Variants in DOP1A observed in about 807,000 individuals in gnomAD.
DOP1A encodes protein DOP1A.
Under a neutral mutation model 267.6 loss-of-function variants are expected in DOP1A, and 90 were observed. That is an observed-to-expected ratio of 0.34 (90% CI 0.28 to 0.40). The LOEUF is 0.40. DOP1A is among the 10% of genes least tolerant of loss of function. The pLI, the probability that DOP1A is intolerant of heterozygous loss-of-function variation, is 1.00. For synonymous variants in DOP1A, 932 were observed against 999.1 expected, an observed-to-expected ratio of 0.93 and a Z score of 1.27; for missense variants, 2,437 against 2,900.4, an observed-to-expected ratio of 0.84 and a Z score of 3.67.
intron 1 of DOP1A, among the ~76,000 whole-genome samples, chr6:83,095,227 C>G (rs1173861624): frequency 6.6e-6 from 1 of 152,206 alleles, no homozygotes; most frequent in African/African-American, 2.4e-5. Context: ...GCCACCGTGC[C>G]TGGCTTTCAG....
intron 35 of DOP1A, among the ~76,000 whole-genome samples, 186 bp from the exon 36 acceptor site, chr6:83,158,381 A>G (rs1783343200): frequency 6.6e-6 from 1 of 152,210 alleles, no homozygotes. Context: ...GGATTTCACC[A>G]AATGATTAGC....
chr6:83,139,191 AC>A (rs1779249141), intron 21 of DOP1A, 29 bp downstream of exon 21: 2 of 1,539,316 alleles, frequency 1.3e-6, no homozygotes, highest in Non-Finnish European at 8.9e-7. Context: ...CTTTATTGGT[AC>A]TGACATTTTT....
At position 83,122,042 on chromosome 6, in the gene DOP1A, G is replaced by T; in HGVS notation, c.1212G>T (p.Gln404His). 3 of 1,609,654 alleles carry T rather than the reference G, an allele frequency of 1.9e-6. No homozygotes were observed. Among genetic ancestry groups the T allele is most frequent in the Non-Finnish European group, 2.5e-6 (3 of 1,177,392 alleles). ...CACCCTTCAGCAAGGATCATGCTCA[G>T]TTAAGCAGGTGGATTATCAAAAAAT... ...TEPPFSKDHA[Q>H]LSSKLRENKK... Residue 404 changes from glutamine (Q) to histidine (H), a missense_variant, in exon 11 of 39, where the codon CAG becomes CAT. Physicochemically the swap from Gln to His is conservative, Grantham distance 24 (BLOSUM62 0). Coordinates refer to ENST00000349129, the MANE Select transcript of DOP1A (RefSeq NM_015018.4).
intron 10 of DOP1A, among the ~76,000 whole-genome samples, chr6:83,121,375 TTA>T (rs1450952396): frequency 6.6e-6 from 1 of 151,752 alleles, no homozygotes; most frequent in African/African-American, 2.4e-5. Flanking sequence ...ATAACTTGAA[TTA>T]TATAAATGGT....
At chr6:83,167,132 G>C (rs1213222518) in intron 38 of DOP1A, 1 of 943,362 alleles carries the variant, frequency 1.1e-6, no homozygotes, top group Non-Finnish European at 1.3e-6. Flanking sequence ...CTTCTCATTT[G>C]ACTTCTCTAC....
chr6:83,113,461 GA>G (rs761496836), intron 7 of DOP1A, 40 bp downstream of exon 7: 2 of 1,493,262 alleles, frequency 1.3e-6, no homozygotes, highest in Middle Eastern at 1.7e-4. Context: ...GGCATTCTTG[GA>G]AAACTGTAGA....
At position 83,129,292 on chromosome 6, in the gene DOP1A, G is replaced by T; in HGVS notation, c.2125G>T (p.Gly709Trp). ...FSQSLATEHQ[G>W]DLGREQGETS... is the part of the protein sequence containing the mutation. Reference sequence around the variant, plus strand: ...TCAGTCTTTGGCTACAGAACATCAAGGGGATCTTGGTCGAGAACAAGGAGA... The same window carrying T: ...TCAGTCTTTGGCTACAGAACATCAATGGGATCTTGGTCGAGAACAAGGAGA... The change falls in exon 16 of 39, where the codon GGG becomes TGG. Residue 709 changes from glycine (G) to tryptophan (W), a missense_variant. By Grantham distance (184) the Gly-to-Trp change is radical (BLOSUM62 -2). Coordinates refer to ENST00000349129, the MANE Select transcript of DOP1A (RefSeq NM_015018.4). 6.2e-7 allele frequency: 1 copy of T among 1,609,440 alleles called. No individual in the cohort carries two copies. The highest frequency in any genetic ancestry group is 2.2e-5 in the East Asian group (1 of 44,872).
In DOP1A at chr6:83,152,348, C is replaced by A; in HGVS notation, c.6110C>A (p.Ala2037Glu). ...NITPSVYSVH[A>E]LTLLSEVLAH... ...ACTCCTTCTGTATATAGTGTCCATG[C>A]ATTGACATTACTCTCTGAGGTAAAT... The change falls in exon 30 of 39, where the codon GCA (alanine) becomes GAA (glutamate). Residue 2037 changes from alanine (A) to glutamate (E), a missense_variant. Ala to Glu is a moderately radical substitution (Grantham distance 107, BLOSUM62 -1). Around this residue, in one of 9 missense-constraint regions of DOP1A, gnomAD observed 216 missense variants for 283.3 expected, o/e 0.76. Coordinates refer to ENST00000349129, the MANE Select transcript of DOP1A (RefSeq NM_015018.4). 6.5e-7 allele frequency: 1 copy of A among 1,544,352 alleles called. No homozygotes were observed. The highest frequency in any genetic ancestry group is 8.7e-7 in the Non-Finnish European group (1 of 1,144,182).
Position 83,166,195 on chromosome 6 carries a change from A to G in DOP1A, c.7093-1667A>G, listed in dbSNP as rs531418261. ...AGGCACCCATTTATTGAGCTTTTTCACCTTTTCAATTTGCTTCAAATGCCG... is the reference window on the plus strand; with the variant it reads ...AGGCACCCATTTATTGAGCTTTTTCGCCTTTTCAATTTGCTTCAAATGCCG... On this transcript the variant is annotated intron_variant, in intron 38 of 38. Coordinates refer to ENST00000349129, the MANE Select transcript of DOP1A (RefSeq NM_015018.4). The G allele has an allele frequency of 5.8e-4, 295 of 511,082 alleles. 7 individuals are homozygous for G. In the South Asian group the frequency reaches 8.1e-3, roughly 14 times the overall value. 31.7% of individuals were successfully genotyped at this position (511,082 alleles called of 1,614,324 possible). A position where few individuals can be genotyped will look rare whatever the true frequency, so the allele number is the denominator to read the frequency against.
intron 31 of DOP1A, 48 bp downstream of exon 31, chr6:83,153,668 A>T (rs566383859): frequency 6.9e-6 from 10 of 1,439,998 alleles, no homozygotes; most frequent in Non-Finnish European, 9.5e-6. Flanking sequence ...ATAGCCTGTT[A>T]GAAACAAGTT....
At chr6:83,118,845 T>G (rs769280819) in intron 7 of DOP1A, 43 bp from the exon 8 acceptor site, 2 of 1,539,504 alleles carry the variant, frequency 1.3e-6, no homozygotes, top group East Asian at 4.5e-5. Context: ...AAATAATATA[T>G]ATTGTATATT....
At chr6:83,145,798 A>G in intron 25 of DOP1A, 140 bp downstream of exon 25, 1 of 712,184 alleles carries the variant, frequency 1.4e-6, no homozygotes, top group Non-Finnish European at 2.2e-6. Flanking sequence ...ACACTGCTTC[A>G]ATCAAAACAA....
At chr6:83,068,091 C>G (rs6928591) in intron 1 of DOP1A, among the ~76,000 whole-genome samples, 104,330 of 152,170 alleles carry the variant, frequency 0.69, 36,637 homozygotes, top group South Asian at 0.81. Flanking sequence ...GGACAGGTCC[C>G]GAGCCTCCCC....
intron 1 of DOP1A, among the ~76,000 whole-genome samples, chr6:83,075,230 A>G (rs934171601): frequency 6.6e-6 from 1 of 152,198 alleles, no homozygotes; most frequent in African/African-American, 2.4e-5. Context: ...TTGTCATTCA[A>G]TTTTTATAAT....
At chr6:83,073,564 G>A (rs558421896) in intron 1 of DOP1A, among the ~76,000 whole-genome samples, 1 of 152,214 alleles carries the variant, frequency 6.6e-6, no homozygotes, top group Admixed American at 6.5e-5. Flanking sequence ...CAGAGATTGT[G>A]GTTGAAAAAA....
Position 83,119,772 on chromosome 6 carries a change from T to C in DOP1A, c.905T>C (p.Ile302Thr). The C allele has an allele frequency of 2.5e-6, 4 of 1,612,884 alleles. No homozygotes were observed. Among genetic ancestry groups the C allele is most frequent in the Non-Finnish European group, 3.4e-6 (4 of 1,179,148 alleles). The change falls in exon 9 of 39, where the codon ATA becomes ACA. Residue 302 changes from isoleucine to threonine, a missense_variant. This residue lies in a region of DOP1A where 251 missense variants were observed against 359.1 expected (regional missense o/e 0.70). Coordinates refer to ENST00000349129, the MANE Select transcript of DOP1A (RefSeq NM_015018.4). ...LLGFDNNGAI[I>T]GPRSTRHSNP... ...GGTTTTGATAACAACGGTGCTATCA[T>C]AGGACCCAGAAGCACAAGACACAGT... is the stretch of plus-strand genomic sequence containing the variant.
At chr6:83,075,085 ATTTT>A (rs1464911482) in intron 1 of DOP1A, among the ~76,000 whole-genome samples, 2 of 152,144 alleles carry the variant, frequency 1.3e-5, no homozygotes, top group Non-Finnish European at 2.9e-5. Context: ...ATTAATATAT[ATTTT>A]CCCTCTTTTA....
chr6:83,123,037 GT>G (rs888904445), intron 12 of DOP1A, 55 bp downstream of exon 12: 27 of 1,522,040 alleles, frequency 1.8e-5, no homozygotes, highest in African/African-American at 1.6e-4. Flanking sequence ...TAACCTTTGG[GT>G]TTTTTTTAAG....
Position 83,108,933 on chromosome 6 carries a change from C to T in DOP1A, c.344C>T (p.Ala115Val), listed in dbSNP as rs1473052996. The T allele has an allele frequency of 6.2e-7, 1 of 1,612,098 alleles. No homozygotes were observed. The change falls in exon 5 of 39, where the codon GCA becomes GTA. Residue 115 changes from alanine (A) to valine (V), a missense_variant. By Grantham distance (64) the Ala-to-Val change is moderately conservative. Around this residue, in one of 9 missense-constraint regions of DOP1A, gnomAD observed 251 missense variants for 359.1 expected, o/e 0.70. Coordinates refer to ENST00000349129, the MANE Select transcript of DOP1A (RefSeq NM_015018.4). ...AGTTCTGGATTATTTCCTCTTCTTG[C>T]AAATGCTGCCATGTCTGTGAAACCA... ...LYSSGLFPLL[A>V]NAAMSVKPTL...
Sources: gnomAD v4.1 joint callset for allele counts (sites outside exome capture counted in the v4.1 genomes callset) on GRCh38, gnomAD v4.1.1 for gene constraint, gnomAD v4.1.1 regional missense constraint, MANE v1.5 for transcripts, NCBI Gene and HGNC (gene_info 2026-07-23, HGNC 2026-07-21) for gene names.